GMDS: variants seen among roughly 807,000 people sequenced by gnomAD.
The protein encoded by GMDS is GDP-mannose 4,6-dehydratase, also known as GDP-mannose 4,6 dehydratase.
GMDS carries 20 observed loss-of-function variants against 49.9 expected under a neutral mutation model. The observed-to-expected ratio is 0.40, with a 90% CI of 0.28 to 0.58. The LOEUF is 0.58. Ranked by LOEUF, GMDS falls within the 20% of genes least tolerant of loss-of-function variation. The pLI is 0.42. For missense variants in GMDS, 362 were observed against 481.4 expected (o/e 0.75, Z 2.32); for synonymous variants, 177 against 178.6 (o/e 0.99, Z 0.07).
At chr6:1,830,064 G>A (rs370749760) in intron 7 of GMDS, among the ~76,000 whole-genome samples, 1 of 151,910 alleles carries the variant, frequency 6.6e-6, no homozygotes, top group African/African-American at 2.4e-5. Flanking sequence ...AGACACTAGT[G>A]GCTTTTTTAT....
intron 6 of GMDS, among the ~76,000 whole-genome samples, chr6:1,946,706 T>C (rs781748471): frequency 8.5e-5 from 13 of 152,082 alleles, no homozygotes; most frequent in Admixed American, 1.3e-4. Flanking sequence ...TTCCAGGAAG[T>C]GATCACAGGG....
intron 7 of GMDS, among the ~76,000 whole-genome samples, chr6:1,834,672 A>C (rs1756840897): frequency 6.6e-6 from 1 of 152,222 alleles, no homozygotes; most frequent in African/African-American, 2.4e-5. Flanking sequence ...TAAACTTATT[A>C]AACTTATATA....
At position 1,647,461 on chromosome 6, in the gene GMDS, A is replaced by G. The variant is rs149069684; in HGVS notation, c.988-22921T>C. 2.5e-4 allele frequency among the ~76,000 whole-genome samples: 38 copies of G among 152,322 alleles called. 1 individual carries two copies. The East Asian group carries it at 6.2e-3, about 25-fold the overall frequency. On this transcript the variant is annotated intron_variant, in intron 9 of 10. Transcript: ENST00000380815. ...AAGGGTCTGGAAGCTGATACCTGGG[A>G]TACTGAAATAAGAATTAATACCTTC...
intron 7 of GMDS, among the ~76,000 whole-genome samples, chr6:1,917,062 G>A (rs1761442958): frequency 2.0e-5 from 3 of 152,158 alleles, no homozygotes; most frequent in Non-Finnish European, 4.4e-5. Context: ...CTCCTCAGAT[G>A]TTCTACAGTT....
At position 2,069,814 on chromosome 6, in the gene GMDS, C is replaced by T. The variant is rs372697584; in HGVS notation, c.345+45957G>A. On this transcript the variant is annotated intron_variant, in intron 4 of 10. Coordinates refer to ENST00000380815, the MANE Select transcript of GMDS (RefSeq NM_001500.4). The stretch of plus-strand genomic sequence containing the variant: ...GAGAAATAGGAACACTTTTACACTG[C>T]TGGTGGGACTGTAAACTAGTTCAAC... 8.5e-3 allele frequency among the ~76,000 whole-genome samples: 1,286 copies of T among 151,376 alleles called. 25 individuals are homozygous for T. Among genetic ancestry groups the T allele is most frequent in the African/African-American group, 0.029 (1,180 of 40,708 alleles).
intron 1 of GMDS, among the ~76,000 whole-genome samples, chr6:2,154,186 G>T (rs925944352): frequency 1.3e-5 from 2 of 151,896 alleles, no homozygotes; most frequent in African/African-American, 4.8e-5. Flanking sequence ...TATATTTCAG[G>T]GTAGATTTTA....
intron 1 of GMDS, among the ~76,000 whole-genome samples, chr6:2,170,455 A>G (rs1229291154): frequency 6.6e-6 from 1 of 151,826 alleles, no homozygotes; most frequent in Non-Finnish European, 1.5e-5. Flanking sequence ...GCAAGACCCT[A>G]CCTCTACAGA....
At chr6:2,132,456 T>C (rs1775789509) in intron 1 of GMDS, among the ~76,000 whole-genome samples, 2 of 152,162 alleles carry the variant, frequency 1.3e-5, no homozygotes, top group Non-Finnish European at 2.9e-5. Context: ...GGATTATGTT[T>C]CAACATTGGC....
intron 4 of GMDS, among the ~76,000 whole-genome samples, chr6:2,025,833 C>T (rs1286214481): frequency 6.6e-6 from 1 of 151,916 alleles, no homozygotes; most frequent in Non-Finnish European, 1.5e-5. Context: ...CCTAAAAAAC[C>T]GACATAGGAA....
At chr6:1,830,137 A>G (rs148301642) in intron 7 of GMDS, among the ~76,000 whole-genome samples, 6 of 152,342 alleles carry the variant, frequency 3.9e-5, no homozygotes, top group African/African-American at 1.4e-4. Flanking sequence ...TATACTAGCC[A>G]AATTTCAAGT....
At chr6:2,018,908 C>T (rs1283924296) in intron 4 of GMDS, among the ~76,000 whole-genome samples, 1 of 151,910 alleles carries the variant, frequency 6.6e-6, no homozygotes, top group Non-Finnish European at 1.5e-5. Flanking sequence ...CAAGGAACTG[C>T]CCATCTATTT....
At chr6:1,848,907 G>A (rs901264708) in intron 7 of GMDS, among the ~76,000 whole-genome samples, 7 of 152,172 alleles carry the variant, frequency 4.6e-5, no homozygotes, top group African/African-American at 1.4e-4. Context: ...CATCACTGAC[G>A]TTTTGGGCCA....
intron 7 of GMDS, among the ~76,000 whole-genome samples, chr6:1,886,227 T>C (rs1391611355): frequency 1.3e-5 from 2 of 152,210 alleles, no homozygotes; most frequent in African/African-American, 4.8e-5. Flanking sequence ...ACTGGGCATA[T>C]ACTTTTAGGA....
intron 1 of GMDS, among the ~76,000 whole-genome samples, chr6:2,167,069 T>C (rs759433371): frequency 1.3e-5 from 2 of 152,240 alleles, no homozygotes; most frequent in Non-Finnish European, 2.9e-5. Flanking sequence ...AATTTTAAAC[T>C]GTGACTGAAT....
chr6:2,112,043 C>A (rs931550888), intron 4 of GMDS, among the ~76,000 whole-genome samples: 2 of 152,166 alleles, frequency 1.3e-5, no homozygotes, highest in Non-Finnish European at 2.9e-5. Flanking sequence ...TTCCCCACGC[C>A]CGCTCTGGCC....
chr6:1,809,303 T>C (rs1761426315), intron 7 of GMDS, among the ~76,000 whole-genome samples: 1 of 152,186 alleles, frequency 6.6e-6, no homozygotes, highest in Non-Finnish European at 1.5e-5. Context: ...ATCTGAGATG[T>C]ATGTGGCTAC....
intron 7 of GMDS, among the ~76,000 whole-genome samples, chr6:1,852,140 C>T (rs1048331461): frequency 6.6e-6 from 1 of 152,216 alleles, no homozygotes; most frequent in Non-Finnish European, 1.5e-5. Context: ...CTCCAACCAC[C>T]GCAGTTTTGC....
At chr6:1,760,133 G>A (rs1768102571) in intron 7 of GMDS, among the ~76,000 whole-genome samples, 1 of 152,212 alleles carries the variant, frequency 6.6e-6, no homozygotes, top group Non-Finnish European at 1.5e-5. Flanking sequence ...GAGGGAGGGA[G>A]TGAGGGAGAT....
At chr6:1,630,843 G>A (rs931055833) in intron 9 of GMDS, among the ~76,000 whole-genome samples, 13 of 152,024 alleles carry the variant, frequency 8.6e-5, no homozygotes, top group South Asian at 4.1e-4. Context: ...TCTTGGTTCC[G>A]GTTAGTTCAC....
Sources: gnomAD v4.1 joint callset for allele counts (sites outside exome capture counted in the v4.1 genomes callset) on GRCh38, gnomAD v4.1.1 for gene constraint, MANE v1.5 for transcripts, NCBI Gene and HGNC (gene_info 2026-07-23, HGNC 2026-07-21) for gene names.